The following RUNX1 variants were observed in gnomAD, a reference collection of about 807,000 sequenced individuals.
The protein encoded by RUNX1 is RUNX family transcription factor 1, also known as runt-related transcription factor 1.
Under a neutral mutation model 42.8 loss-of-function variants are expected in RUNX1, and 19 were observed. That is an observed-to-expected ratio of 0.44 (90% CI 0.31 to 0.65). The LOEUF (loss-of-function observed/expected upper bound fraction) is 0.65, where lower values mean the gene tolerates loss of function less well. Ranked by LOEUF, RUNX1 falls within the 30% of genes least tolerant of loss-of-function variation. RUNX1 has a pLI of 0.07. For synonymous variants in RUNX1, 271 were observed against 289.4 expected, an observed-to-expected ratio of 0.94 and a Z score of 0.64; for missense variants, 528 against 672.0, an observed-to-expected ratio of 0.79 and a Z score of 2.37.
At chr21:35,016,897 G>A (rs188426400) in intron 2 of RUNX1, among the ~76,000 whole-genome samples, 1 of 151,968 alleles carries the variant, frequency 6.6e-6, no homozygotes, top group African/African-American at 2.4e-5. Context: ...GTGTGTGTGT[G>A]TGTGTGTAGC....
intron 6 of RUNX1, among the ~76,000 whole-genome samples, chr21:34,846,189 G>A (rs1222706605): frequency 8.0e-6 from 1 of 124,584 alleles, no homozygotes; most frequent in Non-Finnish European, 1.9e-5. Context: ...TGGGTTTAAG[G>A]ATGTCTTTTT....
intron 7 of RUNX1, chr21:34,821,436 C>T: frequency 7.4e-7 from 1 of 1,345,570 alleles, no homozygotes; most frequent in South Asian, 2.0e-5. Context: ...TTTCTGCAGG[C>T]TAACTCATTT....
rs77003475 is a variant in RUNX1, at chr21:34,862,846, C to T, written c.509-3268G>A. ...ATAGCAATGTAGTAAGAGCTCCCAT[C>T]ATGGCTCTACCAGTGACAACTGCTC... On this transcript the variant is annotated intron_variant, in intron 5 of 8. Coordinates refer to ENST00000675419, the MANE Select transcript of RUNX1 (RefSeq NM_001754.5). Among the ~76,000 whole-genome samples the T allele has an allele frequency of 5.5e-3, 832 of 152,330 alleles. 7 individuals are homozygous for T. The highest frequency in any genetic ancestry group is 0.019 in the African/African-American group (792 of 41,568).
intron 2 of RUNX1, among the ~76,000 whole-genome samples, chr21:34,917,586 C>T (rs2058321012): frequency 6.6e-6 from 1 of 152,162 alleles, no homozygotes; most frequent in Admixed American, 6.5e-5. Flanking sequence ...TGACAACATC[C>T]CTTGATATCT....
chr21:34,828,869 C>T lies in RUNX1; in HGVS notation c.805+5541G>A, dbSNP rs144648838. ...CTTCCCAGCCTCCATAGCCATGAGC[C>T]GAATAAACTTTTCTTTATATATTAC... On this transcript the variant is annotated intron_variant, in intron 7 of 8. Coordinates refer to ENST00000675419, the MANE Select transcript of RUNX1 (RefSeq NM_001754.5). Among the ~76,000 whole-genome samples the T allele has an allele frequency of 6.1e-3, 934 of 152,168 alleles. 3 individuals are homozygous for T. Among genetic ancestry groups the T allele is most frequent in the Middle Eastern group, 0.014 (4 of 294 alleles).
intron 2 of RUNX1, among the ~76,000 whole-genome samples, chr21:34,994,424 T>C (rs1010407285): frequency 6.6e-6 from 1 of 152,190 alleles, no homozygotes; most frequent in Non-Finnish European, 1.5e-5. Flanking sequence ...GGATTGTTTA[T>C]AACACAAAGA....
At chr21:35,014,375 A>T (rs1469237594) in intron 2 of RUNX1, among the ~76,000 whole-genome samples, 1 of 152,218 alleles carries the variant, frequency 6.6e-6, no homozygotes, top group African/African-American at 2.4e-5. Flanking sequence ...GGTGAGGAGT[A>T]GTGGCATAGA....
intron 6 of RUNX1, chr21:34,856,144 C>A (rs2057492445): frequency 5.6e-6 from 2 of 356,162 alleles, no homozygotes; most frequent in South Asian, 4.2e-5. Flanking sequence ...GGGAGGGATG[C>A]ATCAAGTTTA....
In RUNX1 at chr21:34,792,545, G is replaced by A. The variant is rs1234144396; in HGVS notation, c.1033C>T (p.Pro345Ser). ...QFPALPSISDPRMHYPGAFTY... is the reference protein window; with the variant it reads ...QFPALPSISDSRMHYPGAFTY... ...AAGGCGCCTGGATAGTGCATGCGGG[G>A]GTCGGAGATGGAGGGCAGCGCGGGG... Residue 345 changes from proline to serine, a missense_variant, in exon 9 of 9, where the codon CCC becomes TCC. By Grantham distance (74) the Pro-to-Ser change is moderately conservative. Around this residue, in one of 3 missense-constraint regions of RUNX1, gnomAD observed 331 missense variants for 382.5 expected, o/e 0.87. Coordinates refer to ENST00000675419, the MANE Select transcript of RUNX1 (RefSeq NM_001754.5). The surrounding 1 kb of genome is among the most constrained non-coding windows in gnomAD (Gnocchi z 6.9). 9 of 1,606,928 alleles carry A rather than the reference G, an allele frequency of 5.6e-6. No homozygotes were observed. Among genetic ancestry groups the A allele is most frequent in the South Asian group, 1.1e-5 (1 of 89,764 alleles).
chr21:34,878,360 A>ATATAT (rs1270450688), intron 5 of RUNX1, among the ~76,000 whole-genome samples: 1 of 133,414 alleles, frequency 7.5e-6, no homozygotes, highest in African/African-American at 2.9e-5. Context: ...AAAAAAAAAA[A>ATATAT]ATATATATAT....
intron 2 of RUNX1, among the ~76,000 whole-genome samples, chr21:34,943,937 CT>C (rs1480840302): frequency 6.6e-6 from 1 of 152,040 alleles, no homozygotes; most frequent in Non-Finnish European, 1.5e-5. Context: ...AAATCTTTTC[CT>C]TTTTAATAGC....
intron 2 of RUNX1, among the ~76,000 whole-genome samples, chr21:34,959,099 T>C (rs1362537527): frequency 6.6e-6 from 1 of 151,516 alleles, no homozygotes; most frequent in Non-Finnish European, 1.5e-5. Flanking sequence ...TACCTAATGC[T>C]AAATGACGAG....
At position 35,049,167 on chromosome 21, in the gene RUNX1, C is replaced by T; in HGVS notation, c.-60+1G>A. ...CTTGGCTGTGGGTTGGTGATGCTCA[C>T]CACGCTGCGAAACCCTGTGGTTTGC... is the stretch of plus-strand genomic sequence containing the variant. On this transcript the variant is annotated splice_donor_variant, in intron 1 of 8. Transcript: ENST00000675419. LOFTEE classifies it low-confidence loss of function (5UTR_SPLICE). 4.2e-6 allele frequency: 2 copies of T among 479,612 alleles called. No individual in the cohort carries two copies. The highest frequency in any genetic ancestry group is 3.8e-6 in the Non-Finnish European group (1 of 263,868). 29.7% of individuals were successfully genotyped at this position (479,612 alleles called of 1,614,324 possible).
chr21:34,844,590 GTGA>G lies in RUNX1; in HGVS notation c.614-9992_614-9990del, dbSNP rs1237747110. On this transcript the variant is annotated intron_variant, in intron 6 of 8. Transcript: ENST00000675419. ...AAATGCTGGACAAATAAATGAATGA[GTGA>G]GTGAGTGAATGAATGAATGAGTGAG... Among the ~76,000 whole-genome samples, 3 of 110,048 alleles carry G rather than the reference GTGA, an allele frequency of 2.7e-5. No individual in the cohort carries two copies. In the Admixed American group the frequency reaches 3.6e-4, roughly 13 times the overall value. The allele number at this position is 110,048 out of a possible 152,430, so 72.2% of individuals were successfully genotyped here.
At chr21:34,997,218 T>C (rs2059002965) in intron 2 of RUNX1, among the ~76,000 whole-genome samples, 1 of 152,242 alleles carries the variant, frequency 6.6e-6, no homozygotes, top group Non-Finnish European at 1.5e-5. Context: ...GATTTAAACA[T>C]CCTAGCACTT....
chr21:35,005,062 CT>C (rs2056318837), intron 2 of RUNX1, among the ~76,000 whole-genome samples: 1 of 152,130 alleles, frequency 6.6e-6, no homozygotes, highest in Non-Finnish European at 1.5e-5. Flanking sequence ...GCTGTCACCA[CT>C]GAATTGTTGA....
chr21:35,015,478 G>C (rs1246819376), intron 2 of RUNX1, among the ~76,000 whole-genome samples: 1 of 152,116 alleles, frequency 6.6e-6, no homozygotes. Context: ...ATCACAGAAG[G>C]TGCTTTATGG....
intron 7 of RUNX1, among the ~76,000 whole-genome samples, chr21:34,832,083 T>C (rs2057070692): frequency 3.6e-3 from 1 of 276 alleles, no homozygotes; most frequent in South Asian, 0.1. Context: ...ACCAAGCCCG[T>C]AGGAACTCTA....
chr21:34,992,910 A>T (rs549062961), intron 2 of RUNX1, among the ~76,000 whole-genome samples: 8 of 152,128 alleles, frequency 5.3e-5, no homozygotes, highest in Non-Finnish European at 1.2e-4. Context: ...AGCAATGAGG[A>T]GGATGACTGT....
Sources: gnomAD v4.1 joint callset for allele counts (sites outside exome capture counted in the v4.1 genomes callset) on GRCh38, gnomAD v4.1.1 for gene constraint, gnomAD v4.1.1 regional missense constraint, Gnocchi (gnomAD v3.1) non-coding constraint, MANE v1.5 for transcripts, NCBI Gene and HGNC (gene_info 2026-07-23, HGNC 2026-07-21) for gene names.